Variants in SEC22A observed in about 807,000 individuals in gnomAD.
The protein encoded by SEC22A is SEC22 homolog A, vesicle trafficking protein.
A neutral mutation model predicts 35.3 loss-of-function variants in SEC22A; 22 were observed. The ratio of observed to expected loss-of-function variants is 0.62; its 90% CI spans 0.45 to 0.89. SEC22A has a LOEUF of 0.89. SEC22A is among the 40% of genes least tolerant of loss of function. The probability of loss-of-function intolerance (pLI) is 0.00; values close to 1 mark genes in which losing one functional copy is unlikely to be tolerated. For missense variants in SEC22A, 354 were observed against 362.5 expected, an observed-to-expected ratio of 0.98 and a Z score of 0.19; for synonymous variants, 119 against 129.5, an observed-to-expected ratio of 0.92 and a Z score of 0.55.
intron 5 of SEC22A, among the ~76,000 whole-genome samples, chr3:123,254,981 A>C (rs181347247): frequency 3.9e-4 from 58 of 147,244 alleles, no homozygotes; most frequent in South Asian, 1.1e-3. Flanking sequence ...TTAGTCTACT[A>C]TGATCTCTTT....
intron 4 of SEC22A, among the ~76,000 whole-genome samples, chr3:123,245,613 C>T (rs1340771170): frequency 2.0e-5 from 3 of 151,862 alleles, no homozygotes; most frequent in African/African-American, 4.8e-5. Flanking sequence ...GCACGAGGGT[C>T]GCTTGAGCCC....
At chr3:123,226,669 G>T (rs1247262878) in intron 4 of SEC22A, among the ~76,000 whole-genome samples, 1 of 152,156 alleles carries the variant, frequency 6.6e-6, no homozygotes, top group Non-Finnish European at 1.5e-5. Flanking sequence ...TCTGTGGGTT[G>T]TCTCTTCACT....
At chr3:123,259,952 T>G (rs1937840756) in intron 6 of SEC22A, among the ~76,000 whole-genome samples, 1 of 151,718 alleles carries the variant, frequency 6.6e-6, no homozygotes, top group South Asian at 2.1e-4. Flanking sequence ...GCCAACACGG[T>G]GAAACCTTGT....
chr3:123,207,723 T>A (rs565970831), intron 1 of SEC22A, among the ~76,000 whole-genome samples: 3 of 152,348 alleles, frequency 2.0e-5, no homozygotes, highest in South Asian at 2.1e-4. Context: ...AGCTAAAGTT[T>A]GAGAGCCACT....
intron 2 of SEC22A, among the ~76,000 whole-genome samples, chr3:123,216,389 T>G (rs190208351): frequency 6.6e-6 from 1 of 152,316 alleles, no homozygotes; most frequent in Admixed American, 6.5e-5. Flanking sequence ...TGTTCTGTGT[T>G]TTATCCAAGT....
At chr3:123,214,990 C>T (rs954615521) in intron 2 of SEC22A, among the ~76,000 whole-genome samples, 3 of 152,202 alleles carry the variant, frequency 2.0e-5, no homozygotes, top group African/African-American at 7.2e-5. Context: ...TGCATTTTGG[C>T]TTTAGTGTCT....
At chr3:123,202,677 TA>T in intron 1 of SEC22A, among the ~76,000 whole-genome samples, 1 of 152,260 alleles carries the variant, frequency 6.6e-6, no homozygotes, top group East Asian at 1.9e-4. Context: ...CAGCTTAAGA[TA>T]ATTTTTCCCT....
intron 4 of SEC22A, among the ~76,000 whole-genome samples, chr3:123,234,848 C>A (rs1219489621): frequency 2.0e-5 from 3 of 151,788 alleles, no homozygotes; most frequent in Non-Finnish European, 4.4e-5. Context: ...CATGGCGAAA[C>A]CTCATCTCTA....
At chr3:123,255,383 C>T (rs896712333) in intron 5 of SEC22A, among the ~76,000 whole-genome samples, 6 of 151,944 alleles carry the variant, frequency 3.9e-5, no homozygotes, top group African/African-American at 1.5e-4. Context: ...GTATTCTGTC[C>T]TTGGCTTTAT....
intron 5 of SEC22A, among the ~76,000 whole-genome samples, chr3:123,252,973 T>C (rs1937632422): frequency 6.6e-6 from 1 of 152,236 alleles, no homozygotes; most frequent in South Asian, 2.1e-4. Flanking sequence ...TTTTGTGAAT[T>C]GATACCTTAT....
At chr3:123,215,279 GTC>G (rs1004790125) in intron 2 of SEC22A, among the ~76,000 whole-genome samples, 91 of 152,288 alleles carry the variant, frequency 6.0e-4, no homozygotes, top group African/African-American at 2.0e-3. Flanking sequence ...CATTTCTACA[GTC>G]TCTCACCTTT....
chr3:123,206,856 G>T (rs1936862453), intron 1 of SEC22A, among the ~76,000 whole-genome samples: 1 of 152,224 alleles, frequency 6.6e-6, no homozygotes, highest in African/African-American at 2.4e-5. Flanking sequence ...GGGAGGCTGA[G>T]GTGGACAGAT....
At chr3:123,253,276 C>G (rs528641663) in intron 5 of SEC22A, among the ~76,000 whole-genome samples, 1 of 152,234 alleles carries the variant, frequency 6.6e-6, no homozygotes, top group East Asian at 1.9e-4. Flanking sequence ...GCCCAGGGGC[C>G]ATTTCTTAGG....
intron 5 of SEC22A, among the ~76,000 whole-genome samples, chr3:123,250,604 C>T (rs1461170216): frequency 6.6e-6 from 1 of 152,154 alleles, no homozygotes; most frequent in African/African-American, 2.4e-5. Flanking sequence ...TTCCTCTACA[C>T]ACAGGCCAGG....
intron 2 of SEC22A, among the ~76,000 whole-genome samples, chr3:123,221,712 G>A (rs1937128260): frequency 6.6e-6 from 1 of 151,606 alleles, no homozygotes; most frequent in South Asian, 2.1e-4. Flanking sequence ...ATAGAATATG[G>A]TTAATTTTCA....
chr3:123,260,970 G>A (rs1332010888), intron 6 of SEC22A, among the ~76,000 whole-genome samples: 7 of 151,930 alleles, frequency 4.6e-5, no homozygotes, highest in African/African-American at 1.7e-4. Context: ...CGAGTAGCTG[G>A]GAATACAGGC....
At chr3:123,219,007 A>C (rs1937079289) in intron 2 of SEC22A, among the ~76,000 whole-genome samples, 1 of 152,240 alleles carries the variant, frequency 6.6e-6, no homozygotes, top group Admixed American at 6.5e-5. Flanking sequence ...GAAAACTAAC[A>C]GCTGCTATGA....
chr3:123,205,256 AG>A (rs1427025934), intron 1 of SEC22A, among the ~76,000 whole-genome samples: 1 of 152,194 alleles, frequency 6.6e-6, no homozygotes, highest in African/African-American at 2.4e-5. Context: ...TTACTGTGGT[AG>A]AAAGAGGTTT....
intron 5 of SEC22A, among the ~76,000 whole-genome samples, chr3:123,247,048 C>T (rs1319206468): frequency 6.6e-6 from 1 of 152,160 alleles, no homozygotes; most frequent in East Asian, 1.9e-4. Flanking sequence ...CTCGTCTCCC[C>T]TTTTATGCAC....
Sources: allele counts gnomAD v4.1 joint callset (sites outside exome capture counted in the v4.1 genomes callset), GRCh38; gene constraint gnomAD v4.1.1; transcripts MANE v1.5; gene names NCBI Gene and HGNC (gene_info 2026-07-23, HGNC 2026-07-21).